RORA: variants seen among roughly 807,000 people sequenced by gnomAD.
RORA encodes the protein nuclear receptor ROR-alpha.
Under a neutral mutation model 69.5 loss-of-function variants are expected in RORA, and 7 were observed. The observed-to-expected ratio is 0.10, with a 90% confidence interval of 0.06 to 0.19. RORA has a LOEUF of 0.19. RORA is among the 10% of genes least tolerant of loss of function. The probability of loss-of-function intolerance (pLI) is 1.00; values close to 1 mark genes in which losing one functional copy is unlikely to be tolerated. For missense variants in RORA, 457 were observed against 663.0 expected (o/e 0.69, Z 3.41); for synonymous variants, 261 against 240.8 (o/e 1.08, Z -0.78).
rs532762717 is a variant in RORA at position 60,746,160 on chromosome 15, A to T, written c.167-67474T>A. 1.5e-3 allele frequency among the ~76,000 whole-genome samples: 225 copies of T among 152,322 alleles called. 1 individual carries two copies. Among genetic ancestry groups the T allele is most frequent in the Middle Eastern group, 3.4e-3 (1 of 294 alleles). On this transcript the variant is annotated intron_variant, in intron 1 of 10. Transcript: ENST00000335670. ...GTGTCCAACACAGTCTCTGGGCTCC[A>T]TTTTTTAAAATCCAAAAGTCAGAGT...
chr15:60,736,306 A>G (rs903732713), intron 1 of RORA, among the ~76,000 whole-genome samples: 1 of 152,182 alleles, frequency 6.6e-6, no homozygotes, highest in African/African-American at 2.4e-5. Flanking sequence ...TGCTAGCAGC[A>G]TGGCGGGAAG....
chr15:61,106,008 AGTG>A (rs2078945252), intron 1 of RORA, among the ~76,000 whole-genome samples: 1 of 152,206 alleles, frequency 6.6e-6, no homozygotes, highest in African/African-American at 2.4e-5. Flanking sequence ...GATTCTCAAA[AGTG>A]GTATATGGGT....
intron 1 of RORA, among the ~76,000 whole-genome samples, chr15:60,694,678 T>A (rs2070876920): frequency 6.6e-6 from 1 of 152,330 alleles, no homozygotes; most frequent in Admixed American, 6.5e-5. Context: ...ATTATCCAAA[T>A]GCATGTGGAT....
chr15:60,892,660 C>T (rs2140459049), intron 1 of RORA, among the ~76,000 whole-genome samples: 1 of 152,336 alleles, frequency 6.6e-6, no homozygotes. Context: ...GTTGAAGCCA[C>T]ATTTTCCAAC....
At chr15:60,773,290 T>A (rs1271171623) in intron 1 of RORA, among the ~76,000 whole-genome samples, 4 of 152,210 alleles carry the variant, frequency 2.6e-5, no homozygotes, top group African/African-American at 9.6e-5. Context: ...GGCTTTATCA[T>A]TCATAGTGAT....
At position 60,678,685 on chromosome 15, in the gene RORA, A is replaced by G. The variant is rs1164621696; in HGVS notation, c.168T>C (p.Gly56=). Residue 56 remains glycine (G), a splice_region_variant and synonymous_variant, in exon 2 of 11, where the codon GGT becomes GGC. Transcript: ENST00000335670. ...TATGTGTCTTCTTCGTTACTGAGAT[A>G]CCTGGAAGAGAAGAAACAATAACAT... ...RRQSYSSTSR[G]ISVTKKTHTS... 6.2e-7 allele frequency: 1 copy of G among 1,612,102 alleles called. No individual in the cohort carries two copies. Among genetic ancestry groups the G allele is most frequent in the South Asian group, 1.1e-5 (1 of 91,022 alleles).
chr15:60,966,052 C>T (rs1182089461), intron 1 of RORA, among the ~76,000 whole-genome samples: 1 of 152,170 alleles, frequency 6.6e-6, no homozygotes, highest in East Asian at 1.9e-4. Context: ...ATCAAGAAGT[C>T]CACAGACCTG....
intron 1 of RORA, among the ~76,000 whole-genome samples, chr15:61,018,457 G>T (rs2140409543): frequency 6.6e-6 from 1 of 152,280 alleles, no homozygotes; most frequent in South Asian, 2.1e-4. Flanking sequence ...TAAATGTAAG[G>T]TGTCACTGGT....
chr15:60,827,942 AG>A lies in RORA; in HGVS notation c.167-149257del, dbSNP rs373861676. Among the ~76,000 whole-genome samples the A allele has an allele frequency of 2.1e-3, 314 of 152,324 alleles. 3 individuals carry two copies. The highest frequency in any genetic ancestry group is 7.2e-3 in the African/African-American group (298 of 41,566). On this transcript the variant is annotated intron_variant, in intron 1 of 10. Coordinates refer to ENST00000335670, the MANE Select transcript of RORA (RefSeq NM_134261.3). ...CATTCATGTTAGTAACCCCTGGTAT[AG>A]TGGTTGGCATGTATTTGGTGCTCAA...
intron 1 of RORA, among the ~76,000 whole-genome samples, chr15:61,160,370 G>T (rs17237738): frequency 0.11 from 16,509 of 152,156 alleles, 1,024 homozygotes; most frequent in East Asian, 0.17. Flanking sequence ...TAATTTACAA[G>T]TTCATGTTAC....
chr15:61,080,717 GCT>G (rs1375975585), intron 1 of RORA, among the ~76,000 whole-genome samples: 2 of 152,144 alleles, frequency 1.3e-5, no homozygotes, highest in African/African-American at 4.8e-5. Context: ...GGCTTAGCTG[GCT>G]CTTTCTTAAT....
At chr15:60,819,692 T>C (rs55901547) in intron 1 of RORA, among the ~76,000 whole-genome samples, 12,663 of 150,942 alleles carry the variant, frequency 0.084, 1,151 homozygotes, top group African/African-American at 0.23. Flanking sequence ...TGAATTCCAG[T>C]AAGGGGCTCC....
At chr15:60,671,786 A>G (rs975275035) in intron 2 of RORA, among the ~76,000 whole-genome samples, 1 of 151,116 alleles carries the variant, frequency 6.6e-6, no homozygotes, top group Non-Finnish European at 1.5e-5. Context: ...TAATTTTTGT[A>G]TTTTTAGTAG....
chr15:60,808,534 C>T (rs2140364535), intron 1 of RORA, among the ~76,000 whole-genome samples: 1 of 152,052 alleles, frequency 6.6e-6, no homozygotes, highest in Non-Finnish European at 1.5e-5. Flanking sequence ...GTAGATCTAC[C>T]ATTTGATCCA....
intron 1 of RORA, among the ~76,000 whole-genome samples, chr15:60,898,527 A>ATAAATAAC (rs1891295049): frequency 3.3e-5 from 5 of 150,990 alleles, no homozygotes; most frequent in Admixed American, 3.3e-4. Context: ...AAATAAATAA[A>ATAAATAAC]TAAATAAATA....
chr15:60,542,521 CACATGCACACCTCACACAGAT>C (rs1375316751), intron 2 of RORA, among the ~76,000 whole-genome samples: 1 of 53,216 alleles, frequency 1.9e-5, no homozygotes, highest in African/African-American at 5.5e-5. Flanking sequence ...ACACATGGCA[CACATGCACACCTCACACAGAT>C]GGCACACATG....
intron 1 of RORA, among the ~76,000 whole-genome samples, chr15:61,110,652 G>A (rs1206943549): frequency 6.6e-6 from 1 of 152,056 alleles, no homozygotes; most frequent in Non-Finnish European, 1.5e-5. Flanking sequence ...CCTGCCAGGG[G>A]GACAAGATGT....
chr15:61,126,605 A>G (rs1220355413), intron 1 of RORA, among the ~76,000 whole-genome samples: 3 of 152,226 alleles, frequency 2.0e-5, no homozygotes, highest in Admixed American at 2.0e-4. Flanking sequence ...TTAACAAGCT[A>G]CTGGTTTTTT....
intron 1 of RORA, among the ~76,000 whole-genome samples, chr15:60,888,497 C>T (rs972667394): frequency 1.2e-4 from 19 of 152,168 alleles, no homozygotes; most frequent in Admixed American, 1.2e-3. Flanking sequence ...CACATGCAAA[C>T]ACACACATGC....
Sources: gnomAD v4.1 joint callset for allele counts (sites outside exome capture counted in the v4.1 genomes callset) on GRCh38, gnomAD v4.1.1 for gene constraint, MANE v1.5 for transcripts, NCBI Gene and HGNC (gene_info 2026-07-23, HGNC 2026-07-21) for gene names.